Variants in NUSAP1 observed in about 807,000 individuals in gnomAD.
NUSAP1 encodes nucleolar and spindle-associated protein 1.
NUSAP1 carries 32 observed loss-of-function variants against 52.8 expected under a neutral mutation model. That is an observed-to-expected ratio of 0.61 (90% CI 0.46 to 0.81). NUSAP1 has a LOEUF of 0.81. NUSAP1 is among the 40% of genes least tolerant of loss of function. NUSAP1 has a pLI of 0.00. For missense variants in NUSAP1, 499 were observed against 522.3 expected, an observed-to-expected ratio of 0.96 and a Z score of 0.43; for synonymous variants, 195 against 183.1, an observed-to-expected ratio of 1.06 and a Z score of -0.52.
intron 1 of NUSAP1, among the ~76,000 whole-genome samples, chr15:41,336,293 AAT>A (rs1310604212): frequency 6.6e-6 from 1 of 150,520 alleles, no homozygotes; most frequent in African/African-American, 2.4e-5. Flanking sequence ...TAATAATAAT[AAT>A]AAATATATAG....
chr15:41,372,006 G>A (rs2049718240), intron 8 of NUSAP1, among the ~76,000 whole-genome samples: 3 of 152,106 alleles, frequency 2.0e-5, no homozygotes, highest in Admixed American at 1.3e-4. Context: ...GACCTCAGGT[G>A]ATCCGCCCGC....
intron 4 of NUSAP1, among the ~76,000 whole-genome samples, chr15:41,352,588 T>TATTA (rs2048816384): frequency 6.6e-6 from 1 of 151,976 alleles, no homozygotes; most frequent in African/African-American, 2.4e-5. Flanking sequence ...TTTATTTATT[T>TATTA]ATTTATTTAT....
At chr15:41,333,883 A>G (rs1356413156) in intron 1 of NUSAP1, among the ~76,000 whole-genome samples, 1 of 152,174 alleles carries the variant, frequency 6.6e-6, no homozygotes, top group Non-Finnish European at 1.5e-5. Flanking sequence ...CTGCACTCCA[A>G]CTTCGGTGAC....
At chr15:41,365,366 A>C (rs1212328307) in intron 6 of NUSAP1, 36 bp from the exon 7 acceptor site, 1 of 1,535,354 alleles carries the variant, frequency 6.5e-7, no homozygotes, top group Non-Finnish European at 8.8e-7. Context: ...CATGTTGGAG[A>C]GGCCAAGCTT....
At chr15:41,368,377 T>G (rs1235595054) in intron 7 of NUSAP1, among the ~76,000 whole-genome samples, 1 of 152,208 alleles carries the variant, frequency 6.6e-6, no homozygotes, top group Non-Finnish European at 1.5e-5. Flanking sequence ...AACTTTTCCA[T>G]TGACTTAAAT....
rs1179644405 is a variant in NUSAP1 at position 41,332,933 on chromosome 15, A to G, written c.-25A>G. ...ACGAAGTTTGGTGATCCATCTTCCG[A>G]GTATCGCCGGGATTTCGAATCGCGA... On this transcript the variant is annotated 5_prime_UTR_variant, in exon 1 of 11. Transcript: ENST00000559596. The G allele has an allele frequency of 1.3e-6, 2 of 1,570,098 alleles. No individual in the cohort carries two copies. The highest frequency in any genetic ancestry group is 4.6e-5 in the East Asian group (2 of 43,900).
chr15:41,374,417 TC>T (rs1191091147), intron 8 of NUSAP1, among the ~76,000 whole-genome samples: 2 of 152,096 alleles, frequency 1.3e-5, no homozygotes, highest in African/African-American at 2.4e-5. Flanking sequence ...AGGCCCTGAA[TC>T]CCATTCATGA....
intron 9 of NUSAP1, among the ~76,000 whole-genome samples, chr15:41,376,366 T>A (rs1186789391): frequency 3.3e-5 from 5 of 150,968 alleles, no homozygotes; most frequent in Non-Finnish European, 4.4e-5. Context: ...ACCACTACAC[T>A]CCAGCCTGGG....
intron 3 of NUSAP1, among the ~76,000 whole-genome samples, chr15:41,350,181 C>G (rs1184952183): frequency 1.3e-5 from 2 of 152,108 alleles, no homozygotes; most frequent in African/African-American, 2.4e-5. Context: ...CGCACCGGCT[C>G]GGAGGATTCA....
At chr15:41,376,767 C>T (rs1170454392) in intron 9 of NUSAP1, among the ~76,000 whole-genome samples, 1 of 150,696 alleles carries the variant, frequency 6.6e-6, no homozygotes, top group Non-Finnish European at 1.5e-5. Flanking sequence ...AATTTGGTCC[C>T]AGTTCTTTTT....
rs534027070 is a variant in NUSAP1 at position 41,359,621 on chromosome 15, TTTTTC to T, written c.660+1378_660+1382del. Among the ~76,000 whole-genome samples the T allele has an allele frequency of 6.9e-3, 1,040 of 151,766 alleles. 14 individuals carry two copies. The highest frequency in any genetic ancestry group is 0.023 in the African/African-American group (964 of 41,354). On this transcript the variant is annotated intron_variant, in intron 6 of 10. Coordinates refer to ENST00000559596, the MANE Select transcript of NUSAP1 (RefSeq NM_016359.5). The stretch of plus-strand genomic sequence containing the variant: ...TGTAAAACCACTGTTACAACCATTT[TTTTTC>T]TTTTCTTTTCTTTTTTTTTTTTGAG...
At chr15:41,333,925 A>C (rs2048018654) in intron 1 of NUSAP1, among the ~76,000 whole-genome samples, 1 of 152,180 alleles carries the variant, frequency 6.6e-6, no homozygotes, top group Non-Finnish European at 1.5e-5. Context: ...CAAAACAAAA[A>C]CAAACAAAAA....
chr15:41,376,468 A>G (rs2049939710), intron 9 of NUSAP1, among the ~76,000 whole-genome samples: 1 of 149,230 alleles, frequency 6.7e-6, no homozygotes, highest in Admixed American at 6.7e-5. Context: ...CAGGCGGATC[A>G]TGAGTTCAGG....
chr15:41,377,107 T>C (rs2049971959), intron 9 of NUSAP1, 89 bp from the exon 10 acceptor site: 4 of 688,130 alleles, frequency 5.8e-6, no homozygotes, highest in Admixed American at 3.1e-5. Flanking sequence ...TAAATGTTGA[T>C]AGCAGGTAAC....
intron 3 of NUSAP1, among the ~76,000 whole-genome samples, chr15:41,349,761 C>CT (rs2048711378): frequency 2.2e-5 from 3 of 133,664 alleles, no homozygotes; most frequent in Non-Finnish European, 3.3e-5. Flanking sequence ...TTTCTTTTTT[C>CT]TTTTCTTTTT....
At chr15:41,366,216 T>G (rs2049403065) in intron 7 of NUSAP1, among the ~76,000 whole-genome samples, 6 of 151,700 alleles carry the variant, frequency 4.0e-5, no homozygotes, top group Non-Finnish European at 8.8e-5. Flanking sequence ...CAAGTGATCA[T>G]CCCACCTTGG....
At chr15:41,370,899 G>A (rs778703220) in intron 7 of NUSAP1, among the ~76,000 whole-genome samples, 1 of 152,126 alleles carries the variant, frequency 6.6e-6, no homozygotes, top group Non-Finnish European at 1.5e-5. Context: ...GCCAGCCTGG[G>A]TAATAGAGCC....
chr15:41,342,162 C>T (rs1161255689), intron 1 of NUSAP1, among the ~76,000 whole-genome samples: 4 of 152,180 alleles, frequency 2.6e-5, no homozygotes, highest in Admixed American at 2.6e-4. Context: ...AGCCTCCTAG[C>T]GTGGGCATTT....
At chr15:41,356,281 A>T (rs1198973121) in intron 5 of NUSAP1, 141 bp downstream of exon 5, 6 of 661,604 alleles carry the variant, frequency 9.1e-6, no homozygotes, top group Non-Finnish European at 1.6e-5. Context: ...ATCTTGGGGA[A>T]CTTACTCATC....
Sources: gnomAD v4.1 joint callset for allele counts (sites outside exome capture counted in the v4.1 genomes callset) on GRCh38, gnomAD v4.1.1 for gene constraint, MANE v1.5 for transcripts, NCBI Gene and HGNC (gene_info 2026-07-23, HGNC 2026-07-21) for gene names.